The following MRPS27 variants were observed in gnomAD, a reference collection of about 807,000 sequenced individuals.
MRPS27 encodes the protein small ribosomal subunit protein mS27.
A neutral mutation model predicts 48.9 loss-of-function variants in MRPS27; 43 were observed. That is an observed-to-expected ratio of 0.88 (90% CI 0.69 to 1.13). The LOEUF (loss-of-function observed/expected upper bound fraction) is 1.13. Ranked by LOEUF, MRPS27 falls within the 50% of genes most tolerant of loss-of-function variation. MRPS27 has a pLI of 0.00. For synonymous variants in MRPS27, 188 were observed against 171.9 expected, an observed-to-expected ratio of 1.09 and a Z score of -0.73; for missense variants, 467 against 476.3, an observed-to-expected ratio of 0.98 and a Z score of 0.18.
intron 4 of MRPS27, among the ~76,000 whole-genome samples, chr5:72,284,561 AC>A (rs1313988947): frequency 5.9e-5 from 9 of 152,180 alleles, no homozygotes; most frequent in African/African-American, 1.9e-4. Flanking sequence ...AGTAATATAC[AC>A]CCATGATATA....
intron 4 of MRPS27, among the ~76,000 whole-genome samples, chr5:72,254,347 C>T (rs1748738772): frequency 6.6e-6 from 1 of 152,012 alleles, no homozygotes; most frequent in South Asian, 2.1e-4. Flanking sequence ...AGCCTAGCTT[C>T]CTGGTGTGTG....
chr5:72,281,812 T>C (rs1311452248), intron 4 of MRPS27, among the ~76,000 whole-genome samples: 1 of 152,188 alleles, frequency 6.6e-6, no homozygotes, highest in Admixed American at 6.5e-5. Context: ...AACACATAAT[T>C]TCAGTGTTTG....
intron 4 of MRPS27, among the ~76,000 whole-genome samples, chr5:72,279,766 G>A (rs1422010306): frequency 6.6e-6 from 1 of 151,410 alleles, no homozygotes. Context: ...TGTTTTTTGT[G>A]TCTTGTTCAA....
At chr5:72,288,481 A>G (rs756747200) in intron 4 of MRPS27, among the ~76,000 whole-genome samples, 1 of 152,306 alleles carries the variant, frequency 6.6e-6, no homozygotes, top group Middle Eastern at 3.4e-3. Context: ...AAGTGCTGGG[A>G]TTACAGGCGT....
rs1294734313 is a variant in MRPS27, at chr5:72,297,618, T to C, written c.222+14A>G. 6.5e-7 allele frequency: 1 copy of C among 1,530,974 alleles called. No individual in the cohort carries two copies. The highest frequency in any genetic ancestry group is 1.7e-5 in the Admixed American group (1 of 57,960). 94.8% of individuals were successfully genotyped at this position (1,530,974 alleles called of 1,614,324 possible). On this transcript the variant is annotated intron_variant, in intron 3 of 10. Coordinates refer to ENST00000261413, the MANE Select transcript of MRPS27 (RefSeq NM_015084.3). ...CCTTGTTCTTGGAAAATATATATGT[T>C]AAAATTTTCTTACCCGTGATATTGT...
chr5:72,229,680 TAG>T (rs1299093269), intron 7 of MRPS27: 1 of 152,682 alleles, frequency 6.5e-6, no homozygotes, highest in African/African-American at 2.4e-5. Flanking sequence ...TTTGATGTGT[TAG>T]GAGTCGAGCA....
chr5:72,265,777 T>C (rs1005247508), intron 4 of MRPS27, among the ~76,000 whole-genome samples: 1 of 152,208 alleles, frequency 6.6e-6, no homozygotes, highest in African/African-American at 2.4e-5. Flanking sequence ...GCCATTAATA[T>C]AACTCGTAAA....
At chr5:72,276,797 C>A in intron 4 of MRPS27, among the ~76,000 whole-genome samples, 1 of 151,826 alleles carries the variant, frequency 6.6e-6, no homozygotes, top group East Asian at 1.9e-4. Flanking sequence ...TCTGTGAGGC[C>A]GAGGCGGGTG....
intron 2 of MRPS27, 95 bp downstream of exon 2, chr5:72,313,986 A>G (rs977620031): frequency 1.1e-6 from 1 of 926,004 alleles, no homozygotes; most frequent in Non-Finnish European, 1.7e-6. Flanking sequence ...AAACATCATA[A>G]AAGCATAATT....
intron 4 of MRPS27, among the ~76,000 whole-genome samples, chr5:72,256,838 G>C (rs907600974): frequency 1.3e-5 from 2 of 152,196 alleles, no homozygotes; most frequent in Admixed American, 6.5e-5. Context: ...GAAAACATTA[G>C]CAGGCTCTTT....
intron 2 of MRPS27, among the ~76,000 whole-genome samples, chr5:72,307,244 C>T (rs1750296412): frequency 1.3e-5 from 2 of 152,034 alleles, no homozygotes; most frequent in Admixed American, 6.5e-5. Context: ...CCCAGCTTCT[C>T]GGGAGGCTGA....
At chr5:72,311,646 G>A (rs1750443242) in intron 2 of MRPS27, among the ~76,000 whole-genome samples, 1 of 152,156 alleles carries the variant, frequency 6.6e-6, no homozygotes, top group Admixed American at 6.5e-5. Flanking sequence ...GCCACCTCAG[G>A]ACTCTGAATA....
chr5:72,259,393 G>A (rs545952646), intron 4 of MRPS27, among the ~76,000 whole-genome samples: 162 of 151,332 alleles, frequency 1.1e-3, no homozygotes, highest in African/African-American at 3.9e-3. Context: ...GCTTGAATCC[G>A]GGAAGCAGAG....
chr5:72,289,887 T>C (rs73761753), intron 4 of MRPS27, among the ~76,000 whole-genome samples: 9,632 of 152,156 alleles, frequency 0.063, 548 homozygotes, highest in African/African-American at 0.15. Context: ...TAAACTACCA[T>C]GGTCCCAACA....
chr5:72,237,084 G>A (rs1011206191), intron 5 of MRPS27, among the ~76,000 whole-genome samples: 2 of 151,906 alleles, frequency 1.3e-5, no homozygotes, highest in African/African-American at 4.8e-5. Context: ...CTGGGCTCAT[G>A]TGATTCTCCT....
chr5:72,238,492 G>C (rs62363248), intron 4 of MRPS27, among the ~76,000 whole-genome samples: 35,230 of 152,096 alleles, frequency 0.23, 5,237 homozygotes, highest in Non-Finnish European at 0.33. Flanking sequence ...TGAAACTTTG[G>C]AAGTTTAAAA....
chr5:72,258,920 C>G (rs1225569987), intron 4 of MRPS27, among the ~76,000 whole-genome samples: 1 of 152,164 alleles, frequency 6.6e-6, no homozygotes, highest in African/African-American at 2.4e-5. Context: ...AGCTGCAAAT[C>G]CATATGTACT....
At chr5:72,235,524 C>T (rs1452215554) in intron 5 of MRPS27, among the ~76,000 whole-genome samples, 3 of 152,086 alleles carry the variant, frequency 2.0e-5, no homozygotes, top group Non-Finnish European at 4.4e-5. Flanking sequence ...GGTTTGTCAA[C>T]GTAAGTTCAT....
rs961235245 is a variant in MRPS27 at position 72,287,842 on chromosome 5, A to G, written c.281+7689T>C. On this transcript the variant is annotated intron_variant, in intron 4 of 10. Coordinates refer to ENST00000261413, the MANE Select transcript of MRPS27 (RefSeq NM_015084.3). ...AATGGTATAATCACTTCAGAAAACA[A>G]TTTGGTAGTTTCTTAAAAAGTTAAA... is the stretch of plus-strand genomic sequence containing the variant. Among the ~76,000 whole-genome samples, 3 of 152,212 alleles carry G rather than the reference A, an allele frequency of 2.0e-5. No individual in the cohort carries two copies. The East Asian group carries it at 5.8e-4, about 29-fold the overall frequency.
Sources: gnomAD v4.1 joint callset for allele counts (sites outside exome capture counted in the v4.1 genomes callset) on GRCh38, gnomAD v4.1.1 for gene constraint, MANE v1.5 for transcripts, NCBI Gene and HGNC (gene_info 2026-07-23, HGNC 2026-07-21) for gene names.